The following NCKAP5 variants were observed in gnomAD, a reference collection of about 807,000 sequenced individuals.
NCKAP5 encodes the protein NCK associated protein 5.
A neutral mutation model predicts 167.0 loss-of-function variants in NCKAP5; 92 were observed. That is an observed-to-expected ratio of 0.55 (90% confidence interval 0.47 to 0.66). The LOEUF is 0.66. Ranked by LOEUF, NCKAP5 falls within the 30% of genes least tolerant of loss-of-function variation. NCKAP5 has a pLI of 0.00. For missense variants in NCKAP5, 2,378 were observed against 2,315.0 expected (o/e 1.03, Z -0.56); for synonymous variants, 891 against 877.4 (o/e 1.02, Z -0.27).
chr2:132,807,939 G>T (rs2105244195), intron 11 of NCKAP5, among the ~76,000 whole-genome samples: 1 of 152,044 alleles, frequency 6.6e-6, no homozygotes, highest in South Asian at 2.1e-4. Flanking sequence ...CTTATATGCT[G>T]ATTTTGCTAA....
chr2:133,090,668 A>T (rs1373395639), intron 6 of NCKAP5, among the ~76,000 whole-genome samples: 1 of 152,160 alleles, frequency 6.6e-6, no homozygotes, highest in Non-Finnish European at 1.5e-5. Flanking sequence ...AACCAAAGGA[A>T]ATGAATACAG....
At chr2:133,505,618 G>A (rs142108785) in intron 3 of NCKAP5, among the ~76,000 whole-genome samples, 5 of 152,238 alleles carry the variant, frequency 3.3e-5, no homozygotes, top group East Asian at 1.9e-4. Flanking sequence ...ATGAGAACAC[G>A]GAGGCTCAGA....
chr2:133,189,557 C>A (rs936921336), intron 5 of NCKAP5, among the ~76,000 whole-genome samples: 4 of 152,268 alleles, frequency 2.6e-5, no homozygotes, highest in Admixed American at 1.3e-4. Flanking sequence ...CAAACCAAAT[C>A]CATCAGCACA....
chr2:132,960,004 A>G (rs191103148), intron 8 of NCKAP5, among the ~76,000 whole-genome samples: 61 of 152,272 alleles, frequency 4.0e-4, no homozygotes, highest in African/African-American at 1.4e-3. Context: ...AGGACCCTAA[A>G]CACAAATTAC....
intron 12 of NCKAP5, among the ~76,000 whole-genome samples, chr2:132,791,477 C>T (rs1425764751): frequency 2.0e-5 from 3 of 152,196 alleles, no homozygotes; most frequent in Admixed American, 6.5e-5. Flanking sequence ...ATAGGCCCCT[C>T]GTGTAACAGA....
chr2:132,937,413 A>G (rs1282777477), intron 8 of NCKAP5, among the ~76,000 whole-genome samples: 1 of 152,320 alleles, frequency 6.6e-6, no homozygotes, highest in East Asian at 1.9e-4. Context: ...CTAAATAGTA[A>G]TACATTGTTG....
At chr2:133,579,451 A>AGCAGAGACTTTGATTCTCTG in the NCKAP5 span, among the ~76,000 whole-genome samples, 3 of 152,212 alleles carry the variant, frequency 2.0e-5, no homozygotes, top group Admixed American at 6.5e-5. Context: ...AGTGAATCAC[A>AGCAGAGACTTTGATTCTCTG]GCAGAGACTT....
At chr2:133,109,549 C>T (rs914798149) in intron 6 of NCKAP5, among the ~76,000 whole-genome samples, 2 of 152,008 alleles carry the variant, frequency 1.3e-5, no homozygotes, top group African/African-American at 4.8e-5. Flanking sequence ...CATGACATTG[C>T]TCTATTTTAT....
chr2:133,362,976 C>A (rs1254372814), intron 3 of NCKAP5, among the ~76,000 whole-genome samples: 2 of 151,818 alleles, frequency 1.3e-5, no homozygotes, highest in African/African-American at 4.8e-5. Context: ...CCGTGTCAGC[C>A]AGGATGGTCT....
Position 133,303,031 on chromosome 2 carries a change from A to C in NCKAP5, c.143+6T>G, listed in dbSNP as rs748591749. 3.1e-6 allele frequency: 5 copies of C among 1,593,874 alleles called. No homozygotes were observed. The South Asian group carries it at 5.7e-5, about 18-fold the overall frequency. The stretch of plus-strand genomic sequence containing the variant: ...GCAAGCAAATAAGAACATGAATTGA[A>C]CTCACCTCCAGAGACTCCTGTGTTG... On this transcript the variant is annotated splice_donor_region_variant and intron_variant, in intron 4 of 19. Transcript: ENST00000409261.
chr2:133,476,577 G>A (rs931237822), intron 3 of NCKAP5, among the ~76,000 whole-genome samples: 18 of 152,262 alleles, frequency 1.2e-4, no homozygotes, highest in African/African-American at 4.1e-4. Flanking sequence ...TCACTTTTCA[G>A]GAGAGAAGCT....
intron 4 of NCKAP5, among the ~76,000 whole-genome samples, chr2:133,277,318 A>G (rs1008517123): frequency 2.0e-5 from 3 of 152,204 alleles, no homozygotes; most frequent in Non-Finnish European, 2.9e-5. Flanking sequence ...TAAAATTTAG[A>G]TTCAGTAAAA....
chr2:133,519,969 C>T (rs1006090587), intron 2 of NCKAP5, among the ~76,000 whole-genome samples: 3 of 151,930 alleles, frequency 2.0e-5, no homozygotes, highest in East Asian at 3.9e-4. Flanking sequence ...AGGCGGATCA[C>T]GAAGTCAAAA....
the NCKAP5 span, among the ~76,000 whole-genome samples, chr2:133,603,535 G>C: frequency 6.7e-6 from 1 of 148,418 alleles, no homozygotes; most frequent in Non-Finnish European, 1.5e-5. Context: ...CGGCATCAGG[G>C]ATTTTCTTTT....
chr2:133,297,209 G>T (rs904397152), intron 4 of NCKAP5, among the ~76,000 whole-genome samples: 12 of 144,632 alleles, frequency 8.3e-5, no homozygotes, highest in African/African-American at 3.2e-4. Flanking sequence ...GTGTGTGTGT[G>T]TTTTAAATCA....
chr2:133,342,493 T>G (rs977464724), intron 3 of NCKAP5, among the ~76,000 whole-genome samples: 1 of 152,090 alleles, frequency 6.6e-6, no homozygotes. Context: ...CCATCCAGAG[T>G]AGGCTGTGTG....
chr2:132,856,280 A>G (rs1689459254), intron 11 of NCKAP5, among the ~76,000 whole-genome samples: 1 of 152,218 alleles, frequency 6.6e-6, no homozygotes, highest in Admixed American at 6.5e-5. Flanking sequence ...GAAAGTGTGC[A>G]GTGTCTTGCC....
At chr2:132,988,460 CAA>C (rs57024269) in intron 7 of NCKAP5, among the ~76,000 whole-genome samples, 9,376 of 70,054 alleles carry the variant, frequency 0.13, 179 homozygotes, top group South Asian at 0.22. Flanking sequence ...GACTTTGCCT[CAA>C]AAAAAAAAAA....
At chr2:132,844,175 CA>C (rs1312491201) in intron 11 of NCKAP5, among the ~76,000 whole-genome samples, 1 of 152,070 alleles carries the variant, frequency 6.6e-6, no homozygotes, top group African/African-American at 2.4e-5. Context: ...AAGAGCCTAT[CA>C]TTATAAAGGT....
Sources: allele counts gnomAD v4.1 joint callset (sites outside exome capture counted in the v4.1 genomes callset), GRCh38; gene constraint gnomAD v4.1.1; transcripts MANE v1.5; gene names NCBI Gene and HGNC (gene_info 2026-07-23, HGNC 2026-07-21).